CA10: variants seen among roughly 807,000 people sequenced by gnomAD.
The protein encoded by CA10 is carbonic anhydrase-related protein 10.
Under a neutral mutation model 44.2 loss-of-function variants are expected in CA10, and 14 were observed. The ratio of observed to expected loss-of-function variants is 0.32; its 90% confidence interval spans 0.21 to 0.50. The LOEUF (loss-of-function observed/expected upper bound fraction) is 0.50. Ranked by LOEUF, CA10 falls within the 20% of genes least tolerant of loss-of-function variation. The pLI is 0.99. For missense variants in CA10, 350 were observed against 409.7 expected (o/e 0.85, Z 1.26); for synonymous variants, 159 against 141.6 (o/e 1.12, Z -0.87).
At chr17:51,897,779 C>A (rs907220900) in intron 3 of CA10, among the ~76,000 whole-genome samples, 19 of 152,176 alleles carry the variant, frequency 1.2e-4, no homozygotes, top group Middle Eastern at 3.4e-3. Context: ...AGATCTTTTA[C>A]CTCCCTGGTT....
intron 6 of CA10, among the ~76,000 whole-genome samples, chr17:51,644,395 T>C (rs773840383): frequency 6.6e-6 from 1 of 152,216 alleles, no homozygotes; most frequent in Admixed American, 6.5e-5. Context: ...TCCTAAGTCA[T>C]GGAGATTTGA....
intron 2 of CA10, among the ~76,000 whole-genome samples, chr17:52,021,665 A>G (rs9902894): frequency 0.57 from 87,226 of 151,812 alleles, 25,887 homozygotes; most frequent in African/African-American, 0.7. Flanking sequence ...AGCTAGATTA[A>G]CAAAGGAAAA....
intron 3 of CA10, among the ~76,000 whole-genome samples, chr17:51,868,497 C>T (rs1979651204): frequency 6.6e-6 from 1 of 152,158 alleles, no homozygotes. Flanking sequence ...TATCCCAGAA[C>T]TGACCTTATT....
chr17:51,729,915 A>C lies in CA10; in HGVS notation c.465+17718T>G, dbSNP rs55937848. 9.9e-3 allele frequency among the ~76,000 whole-genome samples: 1,510 copies of C among 152,356 alleles called. 33 individuals are homozygous for C. Among genetic ancestry groups the C allele is most frequent in the African/African-American group, 0.033 (1,382 of 41,592 alleles). On this transcript the variant is annotated intron_variant, in intron 4 of 8. Coordinates refer to ENST00000451037, the MANE Select transcript of CA10 (RefSeq NM_020178.5). The stretch of plus-strand genomic sequence containing the variant: ...CTAAATGGCCAATGAATCAGCATAG[A>C]AAATGCATCAGTGAGGCCTAAGTTA...
chr17:51,899,971 G>T (rs1484999043), intron 3 of CA10, among the ~76,000 whole-genome samples: 3 of 148,754 alleles, frequency 2.0e-5, no homozygotes, highest in Admixed American at 2.0e-4. Flanking sequence ...CATATAGTTG[G>T]GTTTTACTTC....
chr17:51,646,965 G>A (rs1363724381), intron 6 of CA10, among the ~76,000 whole-genome samples: 1 of 152,072 alleles, frequency 6.6e-6, no homozygotes, highest in Non-Finnish European at 1.5e-5. Flanking sequence ...GCCTAAATCA[G>A]CTATCTTTCC....
chr17:52,054,607 C>T (rs980138563), intron 2 of CA10, among the ~76,000 whole-genome samples: 7 of 151,930 alleles, frequency 4.6e-5, no homozygotes, highest in South Asian at 2.1e-4. Context: ...GCTGGTTTTG[C>T]GGCTTGGGGG....
chr17:51,881,764 C>T (rs1026176410), intron 3 of CA10, among the ~76,000 whole-genome samples: 6 of 151,930 alleles, frequency 3.9e-5, no homozygotes, highest in African/African-American at 1.5e-4. Flanking sequence ...TGGTAATATC[C>T]AGGTTTGGCA....
At chr17:51,711,796 T>C (rs1023012603) in intron 4 of CA10, among the ~76,000 whole-genome samples, 14 of 152,226 alleles carry the variant, frequency 9.2e-5, no homozygotes, top group Non-Finnish European at 1.6e-4. Flanking sequence ...CTGATGCCCC[T>C]TGGCATGTAT....
intron 3 of CA10, among the ~76,000 whole-genome samples, chr17:51,905,671 G>C (rs1190145645): frequency 6.6e-6 from 1 of 151,472 alleles, no homozygotes; most frequent in South Asian, 2.1e-4. Context: ...AATGAATCTG[G>C]ATAAAGATAT....
intron 3 of CA10, among the ~76,000 whole-genome samples, chr17:51,822,521 T>C (rs1159181643): frequency 6.6e-6 from 1 of 152,240 alleles, no homozygotes; most frequent in Admixed American, 6.5e-5. Flanking sequence ...TCTCCCATTA[T>C]TACTACTCTC....
chr17:51,836,207 CT>C (rs1908471597), intron 3 of CA10, among the ~76,000 whole-genome samples: 1 of 152,214 alleles, frequency 6.6e-6, no homozygotes, highest in Non-Finnish European at 1.5e-5. Flanking sequence ...TCTTTGTTGA[CT>C]TGGCCAAAAA....
chr17:51,998,454 G>C (rs1359244656), intron 2 of CA10, among the ~76,000 whole-genome samples: 1 of 151,938 alleles, frequency 6.6e-6, no homozygotes, highest in East Asian at 1.9e-4. Context: ...CTGTCCCTGG[G>C]AATTTCTTAT....
chr17:51,709,809 C>G (rs1302401956), intron 4 of CA10, among the ~76,000 whole-genome samples: 1 of 152,126 alleles, frequency 6.6e-6, no homozygotes, highest in African/African-American at 2.4e-5. Context: ...GAGCATGTCA[C>G]AGATCTAGAG....
intron 1 of CA10, among the ~76,000 whole-genome samples, chr17:52,120,893 G>C (rs149543479): frequency 6.6e-6 from 1 of 152,290 alleles, no homozygotes; most frequent in African/African-American, 2.4e-5. Context: ...CAATGTGTCT[G>C]CATATCTAAG....
intron 1 of CA10, among the ~76,000 whole-genome samples, chr17:52,121,223 A>C (rs1049450213): frequency 3.3e-5 from 5 of 152,200 alleles, no homozygotes; most frequent in Non-Finnish European, 7.3e-5. Flanking sequence ...AAATACGCTA[A>C]GAAATCCTTC....
At chr17:51,950,750 A>T (rs956074459) in intron 2 of CA10, among the ~76,000 whole-genome samples, 4 of 152,236 alleles carry the variant, frequency 2.6e-5, no homozygotes, top group African/African-American at 9.6e-5. Context: ...TGAGCATGCC[A>T]TCTGTTTCTT....
At chr17:51,740,287 C>T (rs959785363) in intron 4 of CA10, among the ~76,000 whole-genome samples, 1 of 152,144 alleles carries the variant, frequency 6.6e-6, no homozygotes, top group Non-Finnish European at 1.5e-5. Flanking sequence ...AAGACAGGAT[C>T]CTCTACTATA....
At chr17:52,072,543 T>TA (rs1303467848) in intron 1 of CA10, 150 bp from the exon 2 acceptor site, 1 of 549,838 alleles carries the variant, frequency 1.8e-6, no homozygotes. Flanking sequence ...CCTTCCCTTT[T>TA]TTTTTTCAAA....
Sources: gnomAD v4.1 joint callset for allele counts (sites outside exome capture counted in the v4.1 genomes callset) on GRCh38, gnomAD v4.1.1 for gene constraint, MANE v1.5 for transcripts, NCBI Gene and HGNC (gene_info 2026-07-23, HGNC 2026-07-21) for gene names.